The following IRAK1BP1 variants were observed in gnomAD, a reference collection of about 807,000 sequenced individuals.
IRAK1BP1 encodes the protein interleukin 1 receptor associated kinase 1 binding protein 1, also known as interleukin-1 receptor-associated kinase 1-binding protein 1.
A neutral mutation model predicts 28.0 loss-of-function variants in IRAK1BP1; 24 were observed. The observed-to-expected ratio is 0.86, with a 90% confidence interval of 0.62 to 1.20. IRAK1BP1 has a LOEUF of 1.20. IRAK1BP1 is among the 50% of genes most tolerant of loss of function. IRAK1BP1 has a pLI of 0.00. For missense variants in IRAK1BP1, 336 were observed against 316.7 expected (o/e 1.06, Z -0.46); for synonymous variants, 131 against 116.3 (o/e 1.13, Z -0.81).
chr6:78,944,460 G>A (rs1276050849), intron 4 of IRAK1BP1, among the ~76,000 whole-genome samples: 2 of 152,116 alleles, frequency 1.3e-5, no homozygotes, highest in African/African-American at 2.4e-5. Context: ...AATAGTCCAA[G>A]CAAGAAATTA....
downstream of IRAK1BP1, among the ~76,000 whole-genome samples, chr6:78,950,434 A>C (rs1774079665): frequency 6.6e-6 from 1 of 152,092 alleles, no homozygotes; most frequent in African/African-American, 2.4e-5. Context: ...TTAATTCTTT[A>C]AATGTTTGGT....
In IRAK1BP1 at chr6:78,893,308, GTGTGTGTATA is replaced by G. The variant is rs1363461483; in HGVS notation, c.382-4519_382-4510del. 5.4e-3 allele frequency among the ~76,000 whole-genome samples: 475 copies of G among 87,672 alleles called. 3 individuals carry two copies. The highest frequency in any genetic ancestry group is 0.019 in the African/African-American group (445 of 23,602). The allele number at this position is 87,672 out of a possible 152,430, so 57.5% of individuals were successfully genotyped here. A position where few individuals can be genotyped will look rare whatever the true frequency, so the allele number is the denominator to read the frequency against. On this transcript the variant is annotated intron_variant, in intron 2 of 3. Coordinates refer to ENST00000369940, the MANE Select transcript of IRAK1BP1 (RefSeq NM_001010844.4). ...TGTGTATATATGTGTGTGTGTGTGTGTGTGTGTATATATATATATATATATATATATATAT... is the reference window on the plus strand; with the variant it reads ...TGTGTATATATGTGTGTGTGTGTGTGTATATATATATATATATATATATAT...
rs1161871549 is a variant in IRAK1BP1, at chr6:78,946,087, G to A, written c.*747G>A. 5.0e-6 allele frequency: 8 copies of A among 1,613,004 alleles called. No homozygotes were observed. The Admixed American group carries it at 1.0e-4, about 20-fold the overall frequency. On this transcript the variant is annotated 3_prime_UTR_variant and NMD_transcript_variant, in exon 5 of 5. Transcript: ENST00000606868. ...AGTAGATGGTTGCTCAGTGACAACT[G>A]GATCTACAACCACTCGGTTGCTTCT...
rs1043164408 is a variant in IRAK1BP1 at position 78,890,133 on chromosome 6, A to C, written c.381+4690A>C. Among the ~76,000 whole-genome samples the C allele has an allele frequency of 1.1e-4, 17 of 152,272 alleles. No homozygotes were observed. In the East Asian group the frequency reaches 1.2e-3, roughly 10 times the overall value. The stretch of plus-strand genomic sequence containing the variant: ...ATGTTCTTTGCGGGGACATGGATGA[A>C]GCTGGAAACCATCATTCTCAGCACA... On this transcript the variant is annotated intron_variant, in intron 2 of 3. Transcript: ENST00000369940.
chr6:78,979,057 T>G, the IRAK1BP1 span, among the ~76,000 whole-genome samples: 1 of 152,138 alleles, frequency 6.6e-6, no homozygotes, highest in East Asian at 1.9e-4. Flanking sequence ...TAGGAGACTG[T>G]GTGTAGGTCA....
chr6:78,898,196 A>G lies in IRAK1BP1; in HGVS notation c.645A>G (p.Ile215Met). The G allele has an allele frequency of 6.2e-7, 1 of 1,613,852 alleles. No homozygotes were observed. The highest frequency in any genetic ancestry group is 8.5e-7 in the Non-Finnish European group (1 of 1,179,926). ...EEETKEWEGQIDDHQSSRLSS... is the reference protein window; with the variant it reads ...EEETKEWEGQMDDHQSSRLSS... ...AAACAAAAGAATGGGAAGGCCAAAT[A>G]GATGATCACCAGTCATCCAGACTCT... The change falls in exon 4 of 4, where the codon ATA (isoleucine) becomes ATG (methionine). Residue 215 changes from isoleucine (I) to methionine (M), a missense_variant. Physicochemically the swap from Ile to Met is conservative, Grantham distance 10 (BLOSUM62 1). Coordinates refer to ENST00000369940, the MANE Select transcript of IRAK1BP1 (RefSeq NM_001010844.4).
intron 2 of IRAK1BP1, among the ~76,000 whole-genome samples, chr6:78,885,759 A>C (rs537710182): frequency 3.3e-5 from 5 of 152,250 alleles, no homozygotes; most frequent in South Asian, 2.1e-4. Flanking sequence ...AAAAGCAAAT[A>C]AAGTCATAAC....
At chr6:78,970,396 G>A in the IRAK1BP1 span, among the ~76,000 whole-genome samples, 2 of 152,042 alleles carry the variant, frequency 1.3e-5, no homozygotes, top group Admixed American at 1.3e-4. Flanking sequence ...AAAAAATAAG[G>A]AGAACTTTAC....
chr6:78,892,596 T>C (rs1395201790), intron 2 of IRAK1BP1, among the ~76,000 whole-genome samples: 5 of 152,158 alleles, frequency 3.3e-5, no homozygotes, highest in African/African-American at 9.7e-5. Flanking sequence ...AAGCTCATAA[T>C]AAGGAGAAAA....
At chr6:78,957,053 C>T in the IRAK1BP1 span, 4 of 151,978 alleles carry the variant, frequency 2.6e-5, no homozygotes. Flanking sequence ...TTTAAACAAA[C>T]TATACACATC....
chr6:78,906,219 T>C (rs930742109), downstream of IRAK1BP1, among the ~76,000 whole-genome samples: 1 of 150,994 alleles, frequency 6.6e-6, no homozygotes, highest in Non-Finnish European at 1.5e-5. Context: ...TATAGGAGAT[T>C]GAATACTCTT....
chr6:78,904,609 G>T (rs1297794592), downstream of IRAK1BP1, among the ~76,000 whole-genome samples: 1 of 152,150 alleles, frequency 6.6e-6, no homozygotes, highest in Non-Finnish European at 1.5e-5. Context: ...ATACAAAAGA[G>T]TAATGCTTTG....
chr6:78,970,698 G>A, the IRAK1BP1 span: 48 of 851,134 alleles, frequency 5.6e-5, no homozygotes, highest in South Asian at 7.5e-4. Context: ...TTCTTATTGT[G>A]TTAATAGTAA....
Position 78,867,713 on chromosome 6 carries a change from C to A in IRAK1BP1, c.137C>A (p.Ala46Asp), listed in dbSNP as rs992713521. The change falls in exon 1 of 4, where the codon GCC becomes GAC. Residue 46 changes from alanine (A) to aspartate (D), a missense_variant. Ala to Asp is a moderately radical substitution (Grantham distance 126). Transcript: ENST00000369940. The part of the protein sequence containing the change: ...GLRHPLSSTQ[A>D]QTATREVQVS... The stretch of plus-strand genomic sequence containing the variant: ...CGCCACCCCCTCTCCTCAACACAAG[C>A]CCAAACTGCTACCCGCGAGGTGCAA... 1 of 1,614,248 alleles carries A rather than the reference C, an allele frequency of 6.2e-7. No individual in the cohort carries two copies. The highest frequency in any genetic ancestry group is 8.5e-7 in the Non-Finnish European group (1 of 1,180,050).
At chr6:78,888,967 A>G (rs1771527710) in intron 2 of IRAK1BP1, among the ~76,000 whole-genome samples, 1 of 151,784 alleles carries the variant, frequency 6.6e-6, no homozygotes, top group Non-Finnish European at 1.5e-5. Flanking sequence ...AAAATACAAT[A>G]ATAGGTGGAT....
the IRAK1BP1 span, among the ~76,000 whole-genome samples, chr6:78,959,584 A>T: frequency 1.3e-5 from 2 of 152,302 alleles, no homozygotes; most frequent in Admixed American, 1.3e-4. Context: ...GCAAAAACCT[A>T]CTTACATTGT....
the IRAK1BP1 span, among the ~76,000 whole-genome samples, chr6:78,969,258 T>C: frequency 6.6e-6 from 1 of 152,218 alleles, no homozygotes; most frequent in Non-Finnish European, 1.5e-5. Flanking sequence ...TATCAATTGA[T>C]GTGCTTTTTC....
the IRAK1BP1 span, chr6:78,965,957 C>G: frequency 6.2e-7 from 1 of 1,601,040 alleles, no homozygotes; most frequent in Non-Finnish European, 8.6e-7. Context: ...AACATTGTAG[C>G]ATTGAAACAG....
intron 4 of IRAK1BP1, among the ~76,000 whole-genome samples, chr6:78,916,044 G>C (rs1772551048): frequency 1.3e-5 from 2 of 152,222 alleles, no homozygotes; most frequent in South Asian, 4.1e-4. Context: ...TCCACAGGGT[G>C]TGAGCAGCCG....
Sources: gnomAD v4.1 joint callset for allele counts (sites outside exome capture counted in the v4.1 genomes callset) on GRCh38, gnomAD v4.1.1 for gene constraint, MANE v1.5 for transcripts, NCBI Gene and HGNC (gene_info 2026-07-23, HGNC 2026-07-21) for gene names.